Variants in DLG5 observed in about 807,000 individuals in gnomAD.
DLG5 encodes the protein disks large homolog 5.
DLG5 carries 48 observed loss-of-function variants against 189.8 expected under a neutral mutation model. The ratio of observed to expected loss-of-function variants is 0.25; its 90% CI spans 0.20 to 0.32. The LOEUF (loss-of-function observed/expected upper bound fraction) is 0.32, where lower values mean the gene tolerates loss of function less well. DLG5 is among the 10% of genes least tolerant of loss of function. DLG5 has a pLI of 1.00. For synonymous variants in DLG5, 1,016 were observed against 1,054.1 expected (o/e 0.96, Z 0.70); for missense variants, 2,160 against 2,544.7 (o/e 0.85, Z 3.25).
chr10:77,877,983 G>A (rs1845158641), intron 1 of DLG5, among the ~76,000 whole-genome samples: 1 of 152,220 alleles, frequency 6.6e-6, no homozygotes, highest in Admixed American at 6.5e-5. Flanking sequence ...ATCCCCCGGG[G>A]GCCATGTCTG....
intron 20 of DLG5, among the ~76,000 whole-genome samples, chr10:77,814,505 A>ATATATATATCTATC (rs36102159): frequency 1.8e-5 from 2 of 110,256 alleles, no homozygotes; most frequent in African/African-American, 6.7e-5. Flanking sequence ...ATATATATAT[A>ATATATATATCTATC]TCCAAAGGGT....
intron 2 of DLG5, 127 bp downstream of exon 2, chr10:77,869,002 C>A (rs1589236888): frequency 5.3e-6 from 4 of 756,732 alleles, no homozygotes; most frequent in East Asian, 5.5e-5. Flanking sequence ...ATGAAATCAA[C>A]GGAAGGATGA....
At chr10:77,846,273 A>G (rs967708190) in intron 5 of DLG5, among the ~76,000 whole-genome samples, 2 of 152,222 alleles carry the variant, frequency 1.3e-5, no homozygotes, top group Admixed American at 1.3e-4. Context: ...TGGGCTCACC[A>G]TGACTATACT....
chr10:77,872,470 C>A (rs1235665251), intron 1 of DLG5, among the ~76,000 whole-genome samples: 1 of 152,218 alleles, frequency 6.6e-6, no homozygotes, highest in Non-Finnish European at 1.5e-5. Flanking sequence ...GTGTGCATCT[C>A]TGGGCATCAC....
chr10:77,801,556 C>T (rs1448995494), intron 27 of DLG5, among the ~76,000 whole-genome samples: 2 of 152,208 alleles, frequency 1.3e-5, no homozygotes, highest in Admixed American at 6.5e-5. Context: ...TCTCCAAAAC[C>T]GACCACACCA....
chr10:77,871,262 G>A (rs1037937664), intron 1 of DLG5, among the ~76,000 whole-genome samples: 2 of 152,198 alleles, frequency 1.3e-5, no homozygotes, highest in South Asian at 2.1e-4. Flanking sequence ...GGATGGCCAC[G>A]GTCAGCACTG....
intron 5 of DLG5, among the ~76,000 whole-genome samples, chr10:77,846,500 C>A (rs894064889): frequency 6.6e-6 from 1 of 152,050 alleles, no homozygotes; most frequent in Non-Finnish European, 1.5e-5. Flanking sequence ...AGTTCCAGAC[C>A]AGCCTGGCTA....
In DLG5 at chr10:77,903,008, C is replaced by G. The variant is rs537924535; in HGVS notation, c.304+23209G>C. 2.0e-5 allele frequency among the ~76,000 whole-genome samples: 3 copies of G among 152,308 alleles called. 1 individual carries two copies. The highest frequency in any genetic ancestry group is 6.8e-3 in the Middle Eastern group (2 of 294). On this transcript the variant is annotated intron_variant, in intron 1 of 31. Transcript: ENST00000372391. ...CATTGAGCATCCCTCATTCAAAAAT[C>G]CAAAATGCTCCAGAATCCCAAACTT...
At chr10:77,892,535 C>T (rs1845640304) in intron 1 of DLG5, among the ~76,000 whole-genome samples, 1 of 152,152 alleles carries the variant, frequency 6.6e-6, no homozygotes, top group Non-Finnish European at 1.5e-5. Flanking sequence ...AGTCCAGTGC[C>T]CCATTTGACA....
chr10:77,897,313 G>A (rs1047499414), intron 1 of DLG5, among the ~76,000 whole-genome samples: 16 of 151,234 alleles, frequency 1.1e-4, no homozygotes, highest in African/African-American at 3.4e-4. Context: ...TGGAGACTGC[G>A]CCACTGCACT....
chr10:77,857,600 T>C (rs1423344511), intron 2 of DLG5, among the ~76,000 whole-genome samples: 1 of 152,208 alleles, frequency 6.6e-6, no homozygotes, highest in Non-Finnish European at 1.5e-5. Flanking sequence ...ACCCTAGGAC[T>C]GAGTGTCCTA....
At chr10:77,938,716 C>T in the DLG5 span, among the ~76,000 whole-genome samples, 1 of 152,218 alleles carries the variant, frequency 6.6e-6, no homozygotes, top group African/African-American at 2.4e-5. Context: ...AGTTACTCTT[C>T]ACCACACCCA....
rs753319002 is a variant in DLG5 at position 77,792,541 on chromosome 10, C to A, written c.5659G>T (p.Val1887Phe). ...CTTGACAGGGCTCCTCCCTGGATGA[C>A]CCCTGCAAAAGAGCCCCCCAGACAC... ...EQEYSRYFTG[V>F]IQGGALSSIC... Residue 1887 changes from valine (V) to phenylalanine (F), a missense_variant and splice_region_variant, in exon 32 of 32, where the codon GTC becomes TTC. Around this residue, in one of 5 missense-constraint regions of DLG5, gnomAD observed 574 missense variants for 644.2 expected, o/e 0.89. Transcript: ENST00000372391. 12 of 1,614,094 alleles carry A rather than the reference C, an allele frequency of 7.4e-6. No individual in the cohort carries two copies. The South Asian group carries it at 7.7e-5, about 10-fold the overall frequency.
chr10:77,870,753 C>T (rs980116820), intron 1 of DLG5, among the ~76,000 whole-genome samples: 9 of 150,040 alleles, frequency 6.0e-5, no homozygotes, highest in African/African-American at 1.7e-4. Flanking sequence ...CATCTTTGGA[C>T]GGGAAAGAGG....
chr10:77,931,565 G>C (rs1846786443), upstream of DLG5, among the ~76,000 whole-genome samples: 1 of 151,966 alleles, frequency 6.6e-6, no homozygotes. Flanking sequence ...TCAGGCTTCT[G>C]AGCACAACTC....
chr10:77,804,193 A>C (rs184084737), intron 27 of DLG5, among the ~76,000 whole-genome samples: 59 of 152,326 alleles, frequency 3.9e-4, no homozygotes, highest in African/African-American at 1.4e-3. Flanking sequence ...TGCCTGGCCT[A>C]AACTTTTTCT....
chr10:77,849,630 C>T (rs757271379), intron 5 of DLG5, among the ~76,000 whole-genome samples: 5 of 152,330 alleles, frequency 3.3e-5, no homozygotes, highest in Non-Finnish European at 7.3e-5. Context: ...TCCCCACCCC[C>T]GCCCCTGCTG....
chr10:77,934,007 C>G, the DLG5 span, among the ~76,000 whole-genome samples: 1 of 149,648 alleles, frequency 6.7e-6, no homozygotes, highest in East Asian at 2.0e-4. Context: ...GAGATCGCAC[C>G]ACTGCACTCC....
intron 1 of DLG5, among the ~76,000 whole-genome samples, chr10:77,881,839 T>A (rs1419061054): frequency 6.6e-6 from 1 of 152,120 alleles, no homozygotes; most frequent in Non-Finnish European, 1.5e-5. Context: ...ACTGCCCAAG[T>A]CACATGGCAT....
Sources: allele counts gnomAD v4.1 joint callset (sites outside exome capture counted in the v4.1 genomes callset), GRCh38; gene constraint gnomAD v4.1.1; regional missense constraint gnomAD v4.1.1; transcripts MANE v1.5; gene names NCBI Gene and HGNC (gene_info 2026-07-23, HGNC 2026-07-21).